MCPH1: variants seen among roughly 807,000 people sequenced by gnomAD.
The protein encoded by MCPH1 is microcephalin.
In MCPH1, 104 loss-of-function variants were observed where a neutral mutation model predicts 84.5. The observed-to-expected ratio is 1.23, with a 90% confidence interval of 1.05 to 1.45. The LOEUF (loss-of-function observed/expected upper bound fraction) is 1.45, where lower values mean the gene tolerates loss of function less well. MCPH1 is among the 40% of genes most tolerant of loss of function. MCPH1 has a pLI of 0.00. For missense variants in MCPH1, 1,498 were observed against 1,005.7 expected (o/e 1.49, Z -6.62); for synonymous variants, 514 against 366.8 (o/e 1.40, Z -4.58).
At chr8:6,572,584 C>T (rs1165992452) in intron 12 of MCPH1, among the ~76,000 whole-genome samples, 4 of 152,110 alleles carry the variant, frequency 2.6e-5, no homozygotes, top group Non-Finnish European at 2.9e-5. Flanking sequence ...TGTTAAAGAC[C>T]GACGTGCACA....
intron 8 of MCPH1, chr8:6,446,054 G>T (rs1804321266): frequency 4.1e-6 from 4 of 980,274 alleles, no homozygotes; most frequent in Non-Finnish European, 4.8e-6. Flanking sequence ...AAGAAACTTT[G>T]GTCAGTGTTA....
At chr8:6,569,335 T>C (rs1048120148) in intron 12 of MCPH1, among the ~76,000 whole-genome samples, 1 of 152,210 alleles carries the variant, frequency 6.6e-6, no homozygotes, top group African/African-American at 2.4e-5. Context: ...TTTTGATATA[T>C]GTTGAACCAG....
At chr8:6,407,131 G>C in intron 1 of MCPH1, 1 of 258,242 alleles carries the variant, frequency 3.9e-6, no homozygotes. Context: ...CTCACTGGCA[G>C]GCAGAGTCCT....
chr8:6,539,405 C>T (rs954584593), intron 12 of MCPH1, among the ~76,000 whole-genome samples: 6 of 152,048 alleles, frequency 3.9e-5, no homozygotes, highest in South Asian at 4.1e-4. Context: ...AGCTAAAGGC[C>T]GAGGGAGGGA....
intron 12 of MCPH1, among the ~76,000 whole-genome samples, chr8:6,545,688 CTAAAAA>C (rs1477042320): frequency 1.3e-5 from 2 of 152,062 alleles, no homozygotes; most frequent in African/African-American, 4.8e-5. Context: ...TCCCATTAGT[CTAAAAA>C]TAAATAATAA....
intron 12 of MCPH1, among the ~76,000 whole-genome samples, chr8:6,546,384 G>A (rs530403004): frequency 7.9e-5 from 12 of 152,214 alleles, no homozygotes; most frequent in Non-Finnish European, 1.6e-4. Context: ...TGCTGTTTGT[G>A]AAAAGCAAGT....
chr8:6,416,233 T>A (rs1204097232), intron 3 of MCPH1, among the ~76,000 whole-genome samples: 1 of 152,182 alleles, frequency 6.6e-6, no homozygotes, highest in Non-Finnish European at 1.5e-5. Flanking sequence ...ATTTTGTAAA[T>A]AGAGATAGAT....
At chr8:6,492,200 T>C (rs2129561260) in intron 11 of MCPH1, among the ~76,000 whole-genome samples, 1 of 152,340 alleles carries the variant, frequency 6.6e-6, no homozygotes, top group Admixed American at 6.5e-5. Flanking sequence ...CTCATTGTGG[T>C]TTTAATTTGC....
At chr8:6,635,215 C>T (rs1797459509) in intron 13 of MCPH1, 1 of 152,222 alleles carries the variant, frequency 6.6e-6, no homozygotes, top group Non-Finnish European at 1.5e-5. Flanking sequence ...TTGTTCATTT[C>T]ATTGACTGTT....
intron 8 of MCPH1, among the ~76,000 whole-genome samples, chr8:6,448,722 C>A (rs1563226426): frequency 6.6e-6 from 1 of 152,118 alleles, no homozygotes; most frequent in East Asian, 1.9e-4. Context: ...TTGCTTTTTA[C>A]AAAAGCAGTA....
rs769516261 is a variant in MCPH1, at chr8:6,431,525, A to T, written c.260A>T (p.Asp87Val). 17 of 1,613,738 alleles carry T rather than the reference A, an allele frequency of 1.1e-5. No homozygotes were observed. Among genetic ancestry groups the T allele is most frequent in the Non-Finnish European group, 1.4e-5 (17 of 1,179,766 alleles). Residue 87 changes from aspartate (D) to valine (V), a missense_variant, in exon 4 of 14, where the codon GAT becomes GTT. Coordinates refer to ENST00000344683, the MANE Select transcript of MCPH1 (RefSeq NM_024596.5). ...TGCAGGACAGCTGGAGCACACATTG[A>T]TGAATCATTGTTCCCTGCAGCTAAT... ...EKCRTAGAHI[D>V]ESLFPAANMN...
chr8:6,414,153 C>A (rs1020503647), intron 2 of MCPH1, among the ~76,000 whole-genome samples: 1 of 152,140 alleles, frequency 6.6e-6, no homozygotes, highest in African/African-American at 2.4e-5. Context: ...TTACAGGCGT[C>A]CGCCACCTTG....
intron 9 of MCPH1, among the ~76,000 whole-genome samples, chr8:6,459,682 A>G (rs941624361): frequency 1.3e-5 from 2 of 152,188 alleles, no homozygotes; most frequent in African/African-American, 4.8e-5. Flanking sequence ...TAGTGAGGAA[A>G]ATGATTTGAA....
chr8:6,479,597 G>A (rs1490533106), intron 10 of MCPH1, among the ~76,000 whole-genome samples: 1 of 151,850 alleles, frequency 6.6e-6, no homozygotes, highest in Non-Finnish European at 1.5e-5. Flanking sequence ...ACCACGCCCG[G>A]CTAATTTTTT....
At chr8:6,508,555 A>G (rs150515225) in intron 12 of MCPH1, 80 of 369,914 alleles carry the variant, frequency 2.2e-4, no homozygotes, top group East Asian at 1.7e-3. Context: ...TCTATAATCT[A>G]TATTACTGTT....
intron 5 of MCPH1, among the ~76,000 whole-genome samples, chr8:6,436,497 T>C (rs1420878774): frequency 6.6e-6 from 1 of 152,186 alleles, no homozygotes; most frequent in African/African-American, 2.4e-5. Flanking sequence ...TATATAACTT[T>C]GTATTTTTAC....
At position 6,600,052 on chromosome 8, in the gene MCPH1, G is replaced by A. The variant is rs181237076; in HGVS notation, c.2215-21402G>A. Among the ~76,000 whole-genome samples the A allele has an allele frequency of 2.6e-5, 4 of 152,360 alleles. No individual in the cohort carries two copies. The East Asian group carries it at 7.7e-4, about 29-fold the overall frequency. On this transcript the variant is annotated intron_variant, in intron 12 of 13. Coordinates refer to ENST00000344683, the MANE Select transcript of MCPH1 (RefSeq NM_024596.5). Reference sequence around the variant, plus strand: ...ATAAAGTAACCTTTTCCCCACAGGAGCTGGTTAATAGTTCGCTTCATGCTA... The same window carrying A: ...ATAAAGTAACCTTTTCCCCACAGGAACTGGTTAATAGTTCGCTTCATGCTA...
chr8:6,525,486 T>G (rs905531769), intron 12 of MCPH1, among the ~76,000 whole-genome samples: 7 of 152,218 alleles, frequency 4.6e-5, no homozygotes, highest in African/African-American at 1.7e-4. Context: ...CACTCTGGCC[T>G]CCCAAAGTGC....
At chr8:6,560,803 TAAGA>T (rs528122579) in intron 12 of MCPH1, among the ~76,000 whole-genome samples, 34 of 152,362 alleles carry the variant, frequency 2.2e-4, no homozygotes, top group Non-Finnish European at 4.0e-4. Flanking sequence ...GTAGTTTACC[TAAGA>T]AAGAAATATG....
Sources: gnomAD v4.1 joint callset for allele counts (sites outside exome capture counted in the v4.1 genomes callset) on GRCh38, gnomAD v4.1.1 for gene constraint, MANE v1.5 for transcripts, NCBI Gene and HGNC (gene_info 2026-07-23, HGNC 2026-07-21) for gene names.